The following SEMA5A variants were observed in gnomAD, a reference collection of about 807,000 sequenced individuals.
SEMA5A encodes semaphorin-5A.
In SEMA5A, 55 loss-of-function variants were observed where a neutral mutation model predicts 135.5. The observed-to-expected ratio is 0.41, with a 90% CI of 0.33 to 0.51. The LOEUF is 0.51. SEMA5A is among the 20% of genes least tolerant of loss of function. The probability of loss-of-function intolerance (pLI) is 0.37; values close to 1 mark genes in which losing one functional copy is unlikely to be tolerated. For synonymous variants in SEMA5A, 580 were observed against 546.5 expected, an observed-to-expected ratio of 1.06 and a Z score of -0.85; for missense variants, 1,290 against 1,419.9, an observed-to-expected ratio of 0.91 and a Z score of 1.47.
intron 11 of SEMA5A, among the ~76,000 whole-genome samples, chr5:9,165,369 A>G (rs1743545189): frequency 6.6e-6 from 1 of 152,250 alleles, no homozygotes; most frequent in African/African-American, 2.4e-5. Context: ...AAAGCATTGG[A>G]TGGTGAAATC....
At chr5:9,442,546 T>C (rs1410134283) in intron 1 of SEMA5A, among the ~76,000 whole-genome samples, 2 of 152,136 alleles carry the variant, frequency 1.3e-5, no homozygotes, top group Admixed American at 1.3e-4. Context: ...TTAGAGTTCT[T>C]CATGTAAATC....
intron 3 of SEMA5A, among the ~76,000 whole-genome samples, chr5:9,361,481 A>G (rs1053426319): frequency 6.6e-6 from 1 of 152,144 alleles, no homozygotes; most frequent in African/African-American, 2.4e-5. Flanking sequence ...TGAGTCACAT[A>G]TATTTTTATA....
At chr5:9,240,164 G>A (rs767811683) in intron 5 of SEMA5A, among the ~76,000 whole-genome samples, 2 of 151,880 alleles carry the variant, frequency 1.3e-5, no homozygotes, top group Non-Finnish European at 2.9e-5. Context: ...TAATAAATAT[G>A]ACAAATCTTA....
chr5:9,417,292 C>T (rs969555021), intron 2 of SEMA5A, among the ~76,000 whole-genome samples: 4 of 152,188 alleles, frequency 2.6e-5, no homozygotes, highest in African/African-American at 7.2e-5. Context: ...AAGCTGTAAC[C>T]TCTAATTAAA....
At chr5:9,232,758 G>A (rs1232293001) in intron 6 of SEMA5A, among the ~76,000 whole-genome samples, 1 of 152,064 alleles carries the variant, frequency 6.6e-6, no homozygotes, top group African/African-American at 2.4e-5. Context: ...AATTAGGTGT[G>A]CATAATCTAA....
At chr5:9,470,410 C>T (rs1302415067) in intron 1 of SEMA5A, among the ~76,000 whole-genome samples, 1 of 152,208 alleles carries the variant, frequency 6.6e-6, no homozygotes, top group South Asian at 2.1e-4. Context: ...CTTCAGTAAG[C>T]TCCATATGTA....
intron 1 of SEMA5A, among the ~76,000 whole-genome samples, chr5:9,449,339 T>C (rs577259111): frequency 3.4e-4 from 51 of 152,200 alleles, no homozygotes; most frequent in Non-Finnish European, 7.4e-4. Flanking sequence ...ACACCACATG[T>C]TCTCACTTAC....
chr5:9,057,212 G>A (rs1579315517), intron 18 of SEMA5A, among the ~76,000 whole-genome samples: 2 of 152,250 alleles, frequency 1.3e-5, no homozygotes, highest in South Asian at 4.1e-4. Context: ...ATACATCGTT[G>A]TATACCTATA....
At chr5:9,093,611 G>T in intron 16 of SEMA5A, among the ~76,000 whole-genome samples, 1 of 152,038 alleles carries the variant, frequency 6.6e-6, no homozygotes, top group East Asian at 1.9e-4. Flanking sequence ...GGAGGCTGAG[G>T]CAGGAGAATC....
intron 12 of SEMA5A, among the ~76,000 whole-genome samples, chr5:9,145,158 A>G (rs73740358): frequency 0.075 from 11,375 of 152,228 alleles, 463 homozygotes; most frequent in South Asian, 0.15. Context: ...CTCACAGGCA[A>G]TGCCAGCTCA....
At chr5:9,470,127 A>G (rs1759422709) in intron 1 of SEMA5A, among the ~76,000 whole-genome samples, 1 of 152,220 alleles carries the variant, frequency 6.6e-6, no homozygotes, top group Non-Finnish European at 1.5e-5. Context: ...ACAAGGTCAC[A>G]AAGAGGTAGC....
intron 1 of SEMA5A, among the ~76,000 whole-genome samples, chr5:9,529,261 C>T (rs1186802683): frequency 1.3e-5 from 2 of 152,238 alleles, no homozygotes; most frequent in Admixed American, 6.5e-5. Flanking sequence ...TGCCTCTCAC[C>T]ATTTCCGCCC....
intron 13 of SEMA5A, among the ~76,000 whole-genome samples, chr5:9,126,866 G>T (rs1741143407): frequency 6.6e-6 from 1 of 152,086 alleles, no homozygotes; most frequent in Admixed American, 6.5e-5. Flanking sequence ...TATCTATAGG[G>T]GTGAGTTAGA....
intron 16 of SEMA5A, among the ~76,000 whole-genome samples, chr5:9,082,592 C>T (rs186666601): frequency 5.9e-4 from 90 of 152,302 alleles, no homozygotes; most frequent in Admixed American, 3.9e-3. Context: ...AACCTAGTTC[C>T]TCCACTTTCT....
At chr5:9,504,480 T>C (rs562506454) in intron 1 of SEMA5A, among the ~76,000 whole-genome samples, 6 of 152,266 alleles carry the variant, frequency 3.9e-5, no homozygotes, top group Non-Finnish European at 7.4e-5. Flanking sequence ...TTGCAGAACG[T>C]GGATTCACAT....
At chr5:9,484,449 A>G (rs1252709871) in intron 1 of SEMA5A, among the ~76,000 whole-genome samples, 3 of 152,192 alleles carry the variant, frequency 2.0e-5, no homozygotes, top group Non-Finnish European at 4.4e-5. Context: ...AGTCAACATC[A>G]ACCCCTTTGA....
chr5:9,179,010 TAG>T (rs1278491338), intron 11 of SEMA5A, among the ~76,000 whole-genome samples: 1 of 152,186 alleles, frequency 6.6e-6, no homozygotes, highest in Non-Finnish European at 1.5e-5. Flanking sequence ...TCTGTAGAAG[TAG>T]AGATTAGACT....
intron 2 of SEMA5A, among the ~76,000 whole-genome samples, chr5:9,385,604 G>A (rs1436548284): frequency 1.3e-5 from 2 of 152,090 alleles, no homozygotes; most frequent in Non-Finnish European, 2.9e-5. Flanking sequence ...TGAGTGAGCT[G>A]ACCTAGTGAG....
At chr5:9,158,341 C>T (rs1462271977) in intron 11 of SEMA5A, among the ~76,000 whole-genome samples, 2 of 151,808 alleles carry the variant, frequency 1.3e-5, no homozygotes, top group African/African-American at 4.8e-5. Context: ...TGGTTTCATC[C>T]AAGAAAATAT....
Sources: allele counts gnomAD v4.1 joint callset (sites outside exome capture counted in the v4.1 genomes callset), GRCh38; gene constraint gnomAD v4.1.1; transcripts MANE v1.5; gene names NCBI Gene and HGNC (gene_info 2026-07-23, HGNC 2026-07-21).